PACRG: variants seen among roughly 807,000 people sequenced by gnomAD.
The protein encoded by PACRG is parkin coregulated gene protein.
In PACRG, 29 loss-of-function variants were observed where a neutral mutation model predicts 29.7. That is an observed-to-expected ratio of 0.98 (90% CI 0.73 to 1.33). The LOEUF (loss-of-function observed/expected upper bound fraction) is 1.33. PACRG is among the 40% of genes most tolerant of loss of function. The pLI, the probability that PACRG is intolerant of heterozygous loss-of-function variation, is 0.00. For synonymous variants in PACRG, 116 were observed against 118.7 expected, an observed-to-expected ratio of 0.98 and a Z score of 0.15; for missense variants, 279 against 316.2, an observed-to-expected ratio of 0.88 and a Z score of 0.89.
At chr6:163,109,575 T>C (rs1815593912) in intron 4 of PACRG, among the ~76,000 whole-genome samples, 1 of 152,238 alleles carries the variant, frequency 6.6e-6, no homozygotes, top group Admixed American at 6.5e-5. Context: ...ATCTGAGTCC[T>C]ATCTAAGGCA....
chr6:162,852,862 C>A (rs1415279791), intron 2 of PACRG, among the ~76,000 whole-genome samples: 1 of 152,212 alleles, frequency 6.6e-6, no homozygotes, highest in Non-Finnish European at 1.5e-5. Flanking sequence ...TTAGTGATCT[C>A]ATCACTGATA....
intron 4 of PACRG, among the ~76,000 whole-genome samples, chr6:163,280,423 A>T (rs1442939274): frequency 6.6e-6 from 1 of 151,188 alleles, no homozygotes; most frequent in African/African-American, 2.5e-5. Flanking sequence ...GCACCACCCC[A>T]TAGGCACACA....
At chr6:163,280,541 C>T (rs2128183594) in intron 4 of PACRG, among the ~76,000 whole-genome samples, 1 of 152,336 alleles carries the variant, frequency 6.6e-6, no homozygotes, top group Admixed American at 6.5e-5. Context: ...TCTTAGTCTG[C>T]TCAGGCTGCC....
chr6:162,798,787 T>C (rs1401549202), intron 1 of PACRG, among the ~76,000 whole-genome samples: 1 of 152,164 alleles, frequency 6.6e-6, no homozygotes, highest in Non-Finnish European at 1.5e-5. Context: ...TACAGTAACA[T>C]ATTTCAAAGG....
intron 4 of PACRG, among the ~76,000 whole-genome samples, chr6:163,165,123 G>A (rs1778738086): frequency 6.6e-6 from 1 of 152,196 alleles, no homozygotes; most frequent in Non-Finnish European, 1.5e-5. Flanking sequence ...CACGCATGTG[G>A]CAAGTGCTAC....
chr6:163,293,141 A>G (rs1316516505), intron 4 of PACRG, among the ~76,000 whole-genome samples: 1 of 152,222 alleles, frequency 6.6e-6, no homozygotes, highest in Non-Finnish European at 1.5e-5. Context: ...GGAAAATCCT[A>G]TGAACCATCT....
chr6:162,986,241 C>T (rs886667052), intron 2 of PACRG, among the ~76,000 whole-genome samples: 2 of 152,014 alleles, frequency 1.3e-5, no homozygotes, highest in African/African-American at 2.4e-5. Context: ...CAAAAAAGAT[C>T]CCACATAGCC....
chr6:163,247,658 C>T (rs1328726778), intron 4 of PACRG, among the ~76,000 whole-genome samples: 3 of 152,094 alleles, frequency 2.0e-5, no homozygotes, highest in Admixed American at 6.5e-5. Context: ...TTCAGTGAGC[C>T]TCAGGTCAAA....
intron 4 of PACRG, among the ~76,000 whole-genome samples, chr6:163,195,626 C>G (rs1384544636): frequency 6.6e-6 from 1 of 152,200 alleles, no homozygotes; most frequent in Non-Finnish European, 1.5e-5. Context: ...GGGGTCTAAC[C>G]TCCCCCAGGG....
chr6:163,220,538 TCA>T (rs1274155254), intron 4 of PACRG, among the ~76,000 whole-genome samples: 1 of 152,206 alleles, frequency 6.6e-6, no homozygotes, highest in Non-Finnish European at 1.5e-5. Flanking sequence ...TTGGGAAAAC[TCA>T]CAGAATGCCA....
intron 2 of PACRG, among the ~76,000 whole-genome samples, chr6:162,866,933 A>G (rs1479379867): frequency 6.6e-6 from 1 of 152,148 alleles, no homozygotes; most frequent in East Asian, 1.9e-4. Context: ...TCTTGACTAA[A>G]CTTCAAGAGG....
chr6:162,922,629 AT>A (rs1322837587), intron 2 of PACRG, among the ~76,000 whole-genome samples: 2 of 151,318 alleles, frequency 1.3e-5, no homozygotes, highest in Non-Finnish European at 2.9e-5. Flanking sequence ...CTATGAGCTC[AT>A]TTTTTTAACT....
intron 4 of PACRG, among the ~76,000 whole-genome samples, chr6:163,287,024 G>A (rs952387948): frequency 1.3e-5 from 2 of 152,100 alleles, no homozygotes; most frequent in African/African-American, 2.4e-5. Context: ...ATGTGTGTAT[G>A]TGCGTGTGTG....
At chr6:163,177,710 ATTTTTTTTTT>A (rs398003265) in intron 4 of PACRG, among the ~76,000 whole-genome samples, 22 of 53,744 alleles carry the variant, frequency 4.1e-4, no homozygotes, top group East Asian at 3.6e-3. Context: ...TAGAAAAGGG[ATTTTTTTTTT>A]TTTTTTTTTT....
intron 4 of PACRG, among the ~76,000 whole-genome samples, chr6:163,120,184 G>A (rs886615603): frequency 2.0e-5 from 3 of 152,184 alleles, no homozygotes; most frequent in Admixed American, 6.5e-5. Flanking sequence ...GAAAGCTATA[G>A]TGGGTCACTT....
At chr6:162,843,026 A>C (rs2128412102) in intron 2 of PACRG, among the ~76,000 whole-genome samples, 1 of 144,100 alleles carries the variant, frequency 6.9e-6, no homozygotes, top group Admixed American at 7.1e-5. Context: ...GGCTGCCCTT[A>C]ACATTTTTTC....
chr6:162,877,596 GA>G (rs71642398), intron 2 of PACRG, among the ~76,000 whole-genome samples: 24,067 of 138,734 alleles, frequency 0.17, 2,052 homozygotes, highest in Middle Eastern at 0.22. Flanking sequence ...ATAAAAAAAA[GA>G]AAAAAAAAAG....
chr6:162,854,903 C>A (rs1300564233), intron 2 of PACRG, among the ~76,000 whole-genome samples: 1 of 152,346 alleles, frequency 6.6e-6, no homozygotes, highest in African/African-American at 2.4e-5. Flanking sequence ...TGCACAGAGT[C>A]CGAAAAGCGT....
chr6:163,244,940 T>A (rs1402541710), intron 4 of PACRG: 2 of 380,214 alleles, frequency 5.3e-6, no homozygotes, highest in Non-Finnish European at 1.1e-5. Flanking sequence ...CTCTTTTTAG[T>A]AACCCATCGA....
Sources: allele counts gnomAD v4.1 joint callset (sites outside exome capture counted in the v4.1 genomes callset), GRCh38; gene constraint gnomAD v4.1.1; transcripts MANE v1.5; gene names NCBI Gene and HGNC (gene_info 2026-07-23, HGNC 2026-07-21).